Variants in GSDME observed in about 807,000 individuals in gnomAD.
GSDME encodes gasdermin E, also known as gasdermin-E.
A neutral mutation model predicts 47.5 loss-of-function variants in GSDME; 44 were observed. The observed-to-expected ratio is 0.93, with a 90% CI of 0.73 to 1.19. The LOEUF (loss-of-function observed/expected upper bound fraction) is 1.19, where lower values mean the gene tolerates loss of function less well. Among genes scored for constraint, GSDME ranks in the 50% most tolerant of loss-of-function variants. The probability of loss-of-function intolerance (pLI) is 0.00; values close to 1 mark genes in which losing one functional copy is unlikely to be tolerated. For synonymous variants in GSDME, 258 were observed against 252.8 expected (o/e 1.02, Z -0.20); for missense variants, 663 against 604.2 (o/e 1.10, Z -1.02).
intron 3 of GSDME, among the ~76,000 whole-genome samples, chr7:24,723,315 GC>G (rs1283630494): frequency 6.6e-6 from 1 of 152,068 alleles, no homozygotes; most frequent in Admixed American, 6.6e-5. Context: ...GCCCCAAGCA[GC>G]CCCAGGGGGA....
chr7:24,776,900 C>G, the GSDME span, among the ~76,000 whole-genome samples: 1 of 152,044 alleles, frequency 6.6e-6, no homozygotes, highest in African/African-American at 2.4e-5. Context: ...AATCGTGCAC[C>G]AAACTATTAA....
chr7:24,740,183 A>T (rs1790442456), intron 3 of GSDME, among the ~76,000 whole-genome samples: 2 of 152,306 alleles, frequency 1.3e-5, no homozygotes, highest in South Asian at 2.1e-4. Flanking sequence ...TAGGCACAGA[A>T]AGATAAACTT....
upstream of GSDME, among the ~76,000 whole-genome samples, chr7:24,761,066 C>T (rs1236453410): frequency 1.3e-5 from 2 of 152,186 alleles, no homozygotes; most frequent in Admixed American, 6.5e-5. This position sits in a 1 kb window ranked among gnomAD's most constrained non-coding sequence, Gnocchi z 4.4. Context: ...TAACAAACTA[C>T]CCCAAAACTT....
At chr7:24,748,927 A>G (rs543045078) in intron 2 of GSDME, among the ~76,000 whole-genome samples, 1 of 152,198 alleles carries the variant, frequency 6.6e-6, no homozygotes, top group South Asian at 2.1e-4. Flanking sequence ...AAATTTTCAC[A>G]CCTTCTTGAT....
rs1382593166 is a variant in GSDME at position 24,742,333 on chromosome 7, GA to G, written c.404+2228del. On this transcript the variant is annotated intron_variant, in intron 3 of 9. Transcript: ENST00000645220. This position sits in a 1 kb window ranked among gnomAD's most constrained non-coding sequence, Gnocchi z 4.4. ...CATCCAAATTGAGCTCTGTGTCTGGGAATAAGTTATTTCTCCTTCCTGAGCC... is the reference window on the plus strand; with the variant it reads ...CATCCAAATTGAGCTCTGTGTCTGGGATAAGTTATTTCTCCTTCCTGAGCC... Among the ~76,000 whole-genome samples the G allele has an allele frequency of 6.6e-6, 1 of 152,170 alleles. No homozygotes were observed. The highest frequency in any genetic ancestry group is 1.5e-5 in the Non-Finnish European group (1 of 68,024).
the GSDME span, among the ~76,000 whole-genome samples, chr7:24,779,690 C>G: frequency 2.6e-5 from 4 of 152,194 alleles, no homozygotes; most frequent in Admixed American, 2.6e-4. The surrounding 1 kb of genome is among the most constrained non-coding windows in gnomAD (Gnocchi z 6.0). Flanking sequence ...TTCGGAGGCT[C>G]AGAGAGATTG....
At chr7:24,795,390 G>A in the GSDME span, among the ~76,000 whole-genome samples, 7 of 152,268 alleles carry the variant, frequency 4.6e-5, no homozygotes, top group East Asian at 1.2e-3. Context: ...CTCAGACACC[G>A]AGTTGAGGAA....
At chr7:24,755,106 A>C (rs1413514796) in intron 1 of GSDME, among the ~76,000 whole-genome samples, 2 of 152,240 alleles carry the variant, frequency 1.3e-5, no homozygotes, top group Non-Finnish European at 2.9e-5. Context: ...GCAAAGAAAG[A>C]AGCAGCCCTA....
At chr7:24,737,991 A>G (rs1790362542) in intron 3 of GSDME, among the ~76,000 whole-genome samples, 4 of 152,180 alleles carry the variant, frequency 2.6e-5, no homozygotes, top group Admixed American at 6.5e-5. Context: ...AATAAAAGCC[A>G]TATATGATAG....
At chr7:24,718,842 C>A (rs1789666804) in intron 4 of GSDME, among the ~76,000 whole-genome samples, 1 of 152,142 alleles carries the variant, frequency 6.6e-6, no homozygotes, top group Admixed American at 6.5e-5. Flanking sequence ...AGGCCTGGAT[C>A]CAGCAGTGAC....
At position 24,714,570 on chromosome 7, in the gene GSDME, G is replaced by T. The variant is rs745567638; in HGVS notation, c.697+2684C>A. ...CAGGATCCAGAACGAGCCAAGGGAAGGCCGAGATATCCCCAGGGTACCTCT... is the reference window on the plus strand; with the variant it reads ...CAGGATCCAGAACGAGCCAAGGGAATGCCGAGATATCCCCAGGGTACCTCT... On this transcript the variant is annotated intron_variant, in intron 5 of 9. Coordinates refer to ENST00000645220, the MANE Select transcript of GSDME (RefSeq NM_001127453.2). The surrounding 1 kb of genome is among the most constrained non-coding windows in gnomAD (Gnocchi z 5.0). Among the ~76,000 whole-genome samples, 1 of 152,278 alleles carries T rather than the reference G, an allele frequency of 6.6e-6. No homozygotes were observed. Among genetic ancestry groups the T allele is most frequent in the East Asian group, 1.9e-4 (1 of 5,188 alleles).
intron 1 of GSDME, among the ~76,000 whole-genome samples, chr7:24,755,779 G>C (rs1265867158): frequency 6.6e-6 from 1 of 152,138 alleles, no homozygotes; most frequent in Non-Finnish European, 1.5e-5. Context: ...GACTCATTCT[G>C]TAACATAAGA....
chr7:24,774,788 C>T, the GSDME span, among the ~76,000 whole-genome samples: 1 of 152,180 alleles, frequency 6.6e-6, no homozygotes, highest in Non-Finnish European at 1.5e-5. Flanking sequence ...AACTCGGCCT[C>T]CCAAAGGGCT....
At chr7:24,775,379 C>T in the GSDME span, among the ~76,000 whole-genome samples, 4 of 152,152 alleles carry the variant, frequency 2.6e-5, no homozygotes, top group Non-Finnish European at 5.9e-5. Flanking sequence ...GTGATGATAT[C>T]CGTTTAATTA....
chr7:24,734,040 T>A (rs1016190087), intron 3 of GSDME, among the ~76,000 whole-genome samples: 4 of 152,200 alleles, frequency 2.6e-5, no homozygotes, highest in Non-Finnish European at 4.4e-5. Flanking sequence ...GCCACACAGT[T>A]GCTTGTGTCA....
the GSDME span, among the ~76,000 whole-genome samples, chr7:24,770,442 G>A: frequency 1.3e-5 from 2 of 152,176 alleles, no homozygotes; most frequent in Non-Finnish European, 2.9e-5. This position sits in a 1 kb window ranked among gnomAD's most constrained non-coding sequence, Gnocchi z 4.6. Flanking sequence ...TATTGAACCT[G>A]AGGAGAAAGT....
At position 24,698,968 on chromosome 7, in the gene GSDME, T is replaced by C; in HGVS notation, c.*58A>G. The C allele has an allele frequency of 8.3e-7, 1 of 1,198,950 alleles. No homozygotes were observed. The allele number at this position is 1,198,950 out of a possible 1,614,324, so 74.3% of individuals were successfully genotyped here. A position where few individuals can be genotyped will look rare whatever the true frequency, so the allele number is the denominator to read the frequency against. On this transcript the variant is annotated 3_prime_UTR_variant, in exon 10 of 10. Coordinates refer to ENST00000645220, the MANE Select transcript of GSDME (RefSeq NM_001127453.2). ...CAACTTTTAACGTGCATATGACCTT[T>C]AACAGTTCTGAAAAATAGCCTTGGC...
chr7:24,734,217 G>T (rs1790231160), intron 3 of GSDME, among the ~76,000 whole-genome samples: 1 of 152,190 alleles, frequency 6.6e-6, no homozygotes, highest in African/African-American at 2.4e-5. Flanking sequence ...CACAGTTACT[G>T]GGCTTTGGGT....
chr7:24,719,274 T>C, intron 3 of GSDME, 56 bp from the exon 4 acceptor site: 1 of 1,570,716 alleles, frequency 6.4e-7, no homozygotes, highest in Non-Finnish European at 8.7e-7. Context: ...ATTGGTGTAG[T>C]GTGAATTTCC....
Sources: gnomAD v4.1 joint callset for allele counts (sites outside exome capture counted in the v4.1 genomes callset) on GRCh38, gnomAD v4.1.1 for gene constraint, Gnocchi (gnomAD v3.1) non-coding constraint, MANE v1.5 for transcripts, NCBI Gene and HGNC (gene_info 2026-07-23, HGNC 2026-07-21) for gene names.